TP63: variants seen among roughly 807,000 people sequenced by gnomAD.
The protein encoded by TP63 is tumor protein p63, also known as tumor protein 63.
In TP63, 17 loss-of-function variants were observed where a neutral mutation model predicts 82.8. The ratio of observed to expected loss-of-function variants is 0.21; its 90% CI spans 0.14 to 0.31. The LOEUF (loss-of-function observed/expected upper bound fraction) is 0.31, where lower values mean the gene tolerates loss of function less well. TP63 is among the 10% of genes least tolerant of loss of function. TP63 has a pLI of 1.00. For synonymous variants in TP63, 330 were observed against 321.7 expected (o/e 1.03, Z -0.28); for missense variants, 648 against 895.3 (o/e 0.72, Z 3.52).
At chr3:189,666,058 G>A (rs1280525592) in intron 1 of TP63, among the ~76,000 whole-genome samples, 6 of 151,900 alleles carry the variant, frequency 3.9e-5, no homozygotes, top group African/African-American at 7.2e-5. Flanking sequence ...CCTTAGGAAA[G>A]GAAAAGACAT....
Position 189,890,882 on chromosome 3 carries a change from T to A in TP63, c.1746T>A (p.Asp582Glu). Residue 582 changes from aspartate to glutamate, a missense_variant and splice_region_variant, in exon 13 of 14, where the codon GAT (aspartate) becomes GAA (glutamate). This residue lies in a region of TP63 where 342 missense variants were observed against 425.7 expected (regional missense o/e 0.80). Transcript: ENST00000264731. Reference protein sequence around the residue: ...TIYQIEHYSMDDLASLKIPEQ... With the variant: ...TIYQIEHYSMEDLASLKIPEQ... ...ATCAGATTGAGCATTACTCCATGGATGTAAGTAACTGTTAGACTTTTCTCA... is the reference window on the plus strand; with the variant it reads ...ATCAGATTGAGCATTACTCCATGGAAGTAAGTAACTGTTAGACTTTTCTCA... 1 of 1,613,310 alleles carries A rather than the reference T, an allele frequency of 6.2e-7. No individual in the cohort carries two copies. The highest frequency in any genetic ancestry group is 8.5e-7 in the Non-Finnish European group (1 of 1,179,390).
At chr3:189,753,088 A>C (rs1029847328) in intron 3 of TP63, among the ~76,000 whole-genome samples, 1 of 152,108 alleles carries the variant, frequency 6.6e-6, no homozygotes, top group African/African-American at 2.4e-5. Context: ...TGACTGTTTT[A>C]TGGCACTTGA....
intron 4 of TP63, chr3:189,844,058 C>A (rs555610498): frequency 4.7e-4 from 103 of 218,678 alleles, no homozygotes; most frequent in African/African-American, 2.2e-3. Context: ...TACCCATTCA[C>A]CCCCCCTACT....
rs1560301949 is a variant in TP63 at position 189,886,458 on chromosome 3, A to G, written c.1414A>G (p.Met472Val). 2.5e-6 allele frequency: 4 copies of G among 1,614,030 alleles called. No homozygotes were observed. Among genetic ancestry groups the G allele is most frequent in the Non-Finnish European group, 3.4e-6 (4 of 1,180,016 alleles). Residue 472 changes from methionine (M) to valine (V), a missense_variant, in exon 11 of 14, where the codon ATG (methionine) becomes GTG (valine). By Grantham distance (21) the Met-to-Val change is conservative (BLOSUM62 1). This residue lies in a region of TP63 where 342 missense variants were observed against 425.7 expected (regional missense o/e 0.80). Coordinates refer to ENST00000264731, the MANE Select transcript of TP63 (RefSeq NM_003722.5). ...CCCACCTCTGAACAAAATGAACAGC[A>G]TGAACAAGCTGCCTTCTGTGAGCCA... The part of the protein sequence containing the change: ...SSPPLNKMNS[M>V]NKLPSVSQLI...
At chr3:189,859,142 A>G (rs1464531500) in intron 4 of TP63, among the ~76,000 whole-genome samples, 2 of 152,228 alleles carry the variant, frequency 1.3e-5, no homozygotes, top group Admixed American at 6.5e-5. Flanking sequence ...CTACAAAGAA[A>G]TGATAAATGT....
chr3:189,738,360 C>CT (rs1720748025), intron 2 of TP63, among the ~76,000 whole-genome samples: 1 of 152,182 alleles, frequency 6.6e-6, no homozygotes, highest in Non-Finnish European at 1.5e-5. Context: ...ATAAAATACT[C>CT]TATCACAGAT....
intron 1 of TP63, among the ~76,000 whole-genome samples, chr3:189,689,098 C>CT (rs1383931117): frequency 0.081 from 6,878 of 84,962 alleles, 2,283 homozygotes; most frequent in East Asian, 0.11. Context: ...TCAAATCTAC[C>CT]TTTTTCTTTT....
chr3:189,629,101 AGT>A (rs1729379621), upstream of TP63, among the ~76,000 whole-genome samples: 2 of 152,110 alleles, frequency 1.3e-5, no homozygotes, highest in African/African-American at 4.8e-5. Flanking sequence ...AAAATAGATG[AGT>A]GTGGTGGCTC....
intron 1 of TP63, among the ~76,000 whole-genome samples, chr3:189,732,540 C>A (rs12635580): frequency 2.0e-5 from 3 of 152,202 alleles, no homozygotes; most frequent in Non-Finnish European, 4.4e-5. Flanking sequence ...AACGATGTAG[C>A]GCGTTTTGTG....
At chr3:189,608,778 A>G in the TP63 span, among the ~76,000 whole-genome samples, 1 of 152,130 alleles carries the variant, frequency 6.6e-6, no homozygotes, top group African/African-American at 2.4e-5. Context: ...TTATTTTCTC[A>G]GGATTACAAT....
At chr3:189,718,130 G>A (rs992658907) in intron 1 of TP63, among the ~76,000 whole-genome samples, 1 of 152,162 alleles carries the variant, frequency 6.6e-6, no homozygotes, top group Non-Finnish European at 1.5e-5. Context: ...TGATTCCCAA[G>A]TGTGTGGAGA....
chr3:189,683,766 G>A (rs1716177376), intron 1 of TP63, among the ~76,000 whole-genome samples: 1 of 152,136 alleles, frequency 6.6e-6, no homozygotes, highest in Admixed American at 6.6e-5. Flanking sequence ...GCAGTAGCCT[G>A]CCAATCCTAC....
chr3:189,733,290 T>A (rs2108787454), intron 1 of TP63, among the ~76,000 whole-genome samples: 1 of 152,344 alleles, frequency 6.6e-6, no homozygotes, highest in South Asian at 2.1e-4. Context: ...AGAGATGATG[T>A]CTTCCTTCTA....
chr3:189,611,878 C>T, the TP63 span, among the ~76,000 whole-genome samples: 141,394 of 152,198 alleles, frequency 0.93, 66,579 homozygotes, highest in East Asian at 1. Flanking sequence ...TATTTTATTC[C>T]TTTTATGGCA....
At chr3:189,749,795 G>T (rs565519893) in intron 3 of TP63, among the ~76,000 whole-genome samples, 1 of 152,248 alleles carries the variant, frequency 6.6e-6, no homozygotes, top group Non-Finnish European at 1.5e-5. Context: ...AAAATTTGGT[G>T]TATATATACA....
At chr3:189,761,415 A>C (rs2108538938) in intron 3 of TP63, among the ~76,000 whole-genome samples, 1 of 142,462 alleles carries the variant, frequency 7.0e-6, no homozygotes, top group Non-Finnish European at 1.6e-5. Context: ...TCTGTAGGGC[A>C]GGGGCAAAAT....
chr3:189,609,647 C>T, the TP63 span, among the ~76,000 whole-genome samples: 3 of 152,000 alleles, frequency 2.0e-5, no homozygotes, highest in African/African-American at 7.2e-5. Context: ...TTTTTCTGTT[C>T]CTGCATTAGT....
At chr3:189,865,288 G>A (rs562309349) in intron 5 of TP63, among the ~76,000 whole-genome samples, 1 of 152,314 alleles carries the variant, frequency 6.6e-6, no homozygotes, top group African/African-American at 2.4e-5. Flanking sequence ...ATCAAATAAA[G>A]GACTGGGAGT....
chr3:189,658,083 C>A (rs554266537), intron 1 of TP63, among the ~76,000 whole-genome samples: 1 of 151,912 alleles, frequency 6.6e-6, no homozygotes, highest in Non-Finnish European at 1.5e-5. Flanking sequence ...AAAAGTAAAG[C>A]GTTTCTAACA....
Sources: allele counts gnomAD v4.1 joint callset (sites outside exome capture counted in the v4.1 genomes callset), GRCh38; gene constraint gnomAD v4.1.1; regional missense constraint gnomAD v4.1.1; transcripts MANE v1.5; gene names NCBI Gene and HGNC (gene_info 2026-07-23, HGNC 2026-07-21).